Variants in LRP1B observed in about 807,000 individuals in gnomAD.
The protein encoded by LRP1B is low-density lipoprotein receptor-related protein 1B.
A neutral mutation model predicts 556.6 loss-of-function variants in LRP1B; 217 were observed. That is an observed-to-expected ratio of 0.39 (90% CI 0.35 to 0.44). LRP1B has a LOEUF of 0.44. Ranked by LOEUF, LRP1B falls within the 20% of genes least tolerant of loss-of-function variation. The pLI, the probability that LRP1B is intolerant of heterozygous loss-of-function variation, is 1.00. For missense variants in LRP1B, 5,053 were observed against 5,620.8 expected, an observed-to-expected ratio of 0.90 and a Z score of 3.23; for synonymous variants, 2,047 against 1,865.8, an observed-to-expected ratio of 1.10 and a Z score of -2.50.
intron 41 of LRP1B, among the ~76,000 whole-genome samples, chr2:140,623,807 T>C (rs1233377872): frequency 2.6e-5 from 4 of 151,688 alleles, no homozygotes; most frequent in Non-Finnish European, 5.9e-5. Context: ...TAATTCCAGC[T>C]ACTCTGGAGG....
intron 2 of LRP1B, among the ~76,000 whole-genome samples, chr2:141,606,991 C>CCCAT (rs1687937302): frequency 6.6e-6 from 1 of 151,996 alleles, no homozygotes; most frequent in African/African-American, 2.4e-5. Context: ...CTCCCTCCCT[C>CCCAT]CCTTCCTTCC....
chr2:141,169,958 A>G (rs1368256847), intron 7 of LRP1B, among the ~76,000 whole-genome samples: 1 of 152,062 alleles, frequency 6.6e-6, no homozygotes, highest in Non-Finnish European at 1.5e-5. Context: ...ATCCTCTCAT[A>G]GCTGCCACAT....
At position 141,209,819 on chromosome 2, in the gene LRP1B, G is replaced by A. The variant is rs1038807918; in HGVS notation, c.850+19364C>T. Among the ~76,000 whole-genome samples the A allele has an allele frequency of 2.0e-5, 3 of 152,308 alleles. No homozygotes were observed. The South Asian group carries it at 6.2e-4, about 32-fold the overall frequency. ...CCTCAAACTCACAGACACAGACACG[G>A]ATGGAGGGAGGTAGACCATAAATTA... is the stretch of plus-strand genomic sequence containing the variant. On this transcript the variant is annotated intron_variant, in intron 6 of 90. Transcript: ENST00000389484.
intron 3 of LRP1B, among the ~76,000 whole-genome samples, chr2:141,343,994 G>C (rs73963022): frequency 0.027 from 4,072 of 152,078 alleles, 180 homozygotes; most frequent in African/African-American, 0.093. Context: ...GCCACAGTCT[G>C]GAAGATTTTT....
intron 3 of LRP1B, among the ~76,000 whole-genome samples, chr2:141,296,945 A>C (rs943037328): frequency 6.6e-6 from 1 of 152,182 alleles, no homozygotes. Flanking sequence ...CTTATAGGTG[A>C]GAACATGCAA....
chr2:140,427,394 C>A (rs766347650), intron 66 of LRP1B, among the ~76,000 whole-genome samples: 1 of 152,090 alleles, frequency 6.6e-6, no homozygotes, highest in African/African-American at 2.4e-5. Flanking sequence ...CTATAGGCAA[C>A]CTTCCACCCT....
At chr2:140,806,184 T>G (rs1388356456) in intron 32 of LRP1B, among the ~76,000 whole-genome samples, 3 of 152,266 alleles carry the variant, frequency 2.0e-5, no homozygotes, top group African/African-American at 7.2e-5. Context: ...GATCTCAGAC[T>G]TCCAGCCTCC....
At chr2:141,986,440 T>G (rs1702188391) in intron 1 of LRP1B, among the ~76,000 whole-genome samples, 1 of 151,974 alleles carries the variant, frequency 6.6e-6, no homozygotes, top group Admixed American at 6.6e-5. Flanking sequence ...AGTTTCTGAG[T>G]ATCAGAGACA....
intron 1 of LRP1B, among the ~76,000 whole-genome samples, chr2:141,927,776 T>C (rs958918574): frequency 1.3e-5 from 2 of 151,912 alleles, no homozygotes; most frequent in Admixed American, 6.6e-5. Flanking sequence ...AAATCCTTCT[T>C]GAGTTTTACT....
intron 3 of LRP1B, among the ~76,000 whole-genome samples, chr2:141,432,140 A>T (rs977415236): frequency 6.6e-6 from 1 of 152,068 alleles, no homozygotes; most frequent in African/African-American, 2.4e-5. Context: ...TTTCACTCCA[A>T]GTTTACTGAG....
intron 47 of LRP1B, among the ~76,000 whole-genome samples, chr2:140,531,095 C>A (rs921742759): frequency 6.6e-6 from 1 of 152,114 alleles, no homozygotes; most frequent in African/African-American, 2.4e-5. Context: ...AATTCATTTA[C>A]CACTTTTGAA....
At chr2:141,772,131 G>A (rs1173910014) in intron 2 of LRP1B, among the ~76,000 whole-genome samples, 1 of 152,026 alleles carries the variant, frequency 6.6e-6, no homozygotes, top group East Asian at 1.9e-4. Context: ...TACCATGTGA[G>A]GATACAATGA....
chr2:140,835,788 C>T (rs931336288), intron 31 of LRP1B, among the ~76,000 whole-genome samples: 1 of 152,180 alleles, frequency 6.6e-6, no homozygotes, highest in Non-Finnish European at 1.5e-5. Context: ...ATCCACCTGC[C>T]TCAGCCTCCC....
At chr2:141,343,600 G>A (rs1688145986) in intron 3 of LRP1B, among the ~76,000 whole-genome samples, 1 of 152,140 alleles carries the variant, frequency 6.6e-6, no homozygotes, top group African/African-American at 2.4e-5. Context: ...AGCCAGAACA[G>A]CATTTCAGGC....
chr2:140,478,595 C>T (rs990637382), intron 59 of LRP1B, among the ~76,000 whole-genome samples: 10 of 152,090 alleles, frequency 6.6e-5, no homozygotes, highest in Non-Finnish European at 1.5e-4. Flanking sequence ...TTTCTAGATT[C>T]GTACACTGAC....
intron 23 of LRP1B, among the ~76,000 whole-genome samples, chr2:140,891,245 CA>C (rs1479646703): frequency 3.3e-5 from 5 of 152,082 alleles, no homozygotes; most frequent in Admixed American, 1.3e-4. Flanking sequence ...CTCCTATGTA[CA>C]ATTATCTTCT....
chr2:140,489,778 C>T (rs1333283384), intron 57 of LRP1B, among the ~76,000 whole-genome samples: 1 of 152,068 alleles, frequency 6.6e-6, no homozygotes, highest in African/African-American at 2.4e-5. Flanking sequence ...AGAAACATGT[C>T]TCTAACTTGA....
intron 10 of LRP1B, among the ~76,000 whole-genome samples, chr2:141,050,007 C>T (rs1170662323): frequency 6.6e-6 from 1 of 151,820 alleles, no homozygotes; most frequent in East Asian, 1.9e-4. Flanking sequence ...ACAAGATTCT[C>T]CAATTATCGG....
At chr2:140,695,939 A>T (rs1021812118) in intron 41 of LRP1B, among the ~76,000 whole-genome samples, 7 of 152,214 alleles carry the variant, frequency 4.6e-5, no homozygotes, top group Non-Finnish European at 1.0e-4. Flanking sequence ...GAAGTTAAAG[A>T]AGAAAGCCTT....
Sources: gnomAD v4.1 joint callset for allele counts (sites outside exome capture counted in the v4.1 genomes callset) on GRCh38, gnomAD v4.1.1 for gene constraint, MANE v1.5 for transcripts, NCBI Gene and HGNC (gene_info 2026-07-23, HGNC 2026-07-21) for gene names.